UTP4: variants seen among roughly 807,000 people sequenced by gnomAD.
UTP4 encodes the protein UTP4 small subunit processome component, also known as U3 small nucleolar RNA-associated protein 4 homolog.
Under a neutral mutation model 82.4 loss-of-function variants are expected in UTP4, and 45 were observed. The observed-to-expected ratio is 0.55, with a 90% CI of 0.43 to 0.70. The LOEUF (loss-of-function observed/expected upper bound fraction) is 0.70, where lower values mean the gene tolerates loss of function less well. UTP4 is among the 30% of genes least tolerant of loss of function. UTP4 has a pLI of 0.00. For synonymous variants in UTP4, 348 were observed against 300.3 expected (o/e 1.16, Z -1.64); for missense variants, 819 against 858.3 (o/e 0.95, Z 0.57).
intron 4 of UTP4, among the ~76,000 whole-genome samples, chr16:69,139,429 A>T (rs938080566): frequency 6.6e-6 from 1 of 151,524 alleles, no homozygotes; most frequent in African/African-American, 2.4e-5. Flanking sequence ...ACTTGAGGTC[A>T]GGAGTTCGAA....
rs1282444878 is a variant in UTP4, at chr16:69,168,833, A to G, written c.1957A>G (p.Met653Val). The change falls in exon 17 of 17, where the codon ATG becomes GTG. Residue 653 changes from methionine (M) to valine (V), a missense_variant. By Grantham distance (21) the Met-to-Val change is conservative. Coordinates refer to ENST00000314423, the MANE Select transcript of UTP4 (RefSeq NM_032830.3). ...ISKIYKPLLF[M>V]DLLDERTLVA... ...CATCCCTCTGCAGCCTCTACTCTTC[A>G]TGGATCTTTTGGATGAAAGAACACT... 3 of 1,610,902 alleles carry G rather than the reference A, an allele frequency of 1.9e-6. No individual in the cohort carries two copies. Among genetic ancestry groups the G allele is most frequent in the South Asian group, 1.1e-5 (1 of 91,010 alleles).
intron 14 of UTP4, among the ~76,000 whole-genome samples, chr16:69,164,193 T>C (rs922772279): frequency 6.6e-6 from 1 of 151,896 alleles, no homozygotes; most frequent in African/African-American, 2.4e-5. Context: ...TGATGGTCAG[T>C]TTTTACACTC....
intron 14 of UTP4, among the ~76,000 whole-genome samples, chr16:69,164,496 C>G (rs1162375620): frequency 6.6e-6 from 1 of 151,010 alleles, no homozygotes; most frequent in Non-Finnish European, 1.5e-5. Context: ...GTAAATTATC[C>G]TAACCCTTTT....
intron 6 of UTP4, among the ~76,000 whole-genome samples, chr16:69,145,342 C>A (rs992277129): frequency 2.6e-5 from 4 of 151,838 alleles, no homozygotes; most frequent in African/African-American, 9.7e-5. Flanking sequence ...CTCACTACAA[C>A]CTCTGTCTCC....
At chr16:69,167,320 T>G in intron 16 of UTP4, 135 bp downstream of exon 16, 1 of 692,764 alleles carries the variant, frequency 1.4e-6, no homozygotes, top group South Asian at 1.6e-5. Context: ...ACAAGTCACC[T>G]TTTTGAGGCT....
chr16:69,135,580 G>A (rs1962789506), intron 2 of UTP4, among the ~76,000 whole-genome samples: 2 of 152,112 alleles, frequency 1.3e-5, no homozygotes, highest in Admixed American at 1.3e-4. Flanking sequence ...GATAGGTGTG[G>A]TGTTGTATGC....
chr16:69,132,728 C>CT (rs1445458403), intron 1 of UTP4, 39 bp downstream of exon 1: 2 of 254,308 alleles, frequency 7.9e-6, no homozygotes, highest in Admixed American at 1.2e-4. Context: ...GCTGCGAGAG[C>CT]TGGGGGGGTC....
At chr16:69,149,613 C>T (rs1248537769) in intron 6 of UTP4, among the ~76,000 whole-genome samples, 1 of 152,130 alleles carries the variant, frequency 6.6e-6, no homozygotes, top group Admixed American at 6.6e-5. Flanking sequence ...GACTGGTCTC[C>T]AACTTCTGGG....
At chr16:69,138,456 T>C (rs1962869322) in intron 4 of UTP4, among the ~76,000 whole-genome samples, 1 of 152,196 alleles carries the variant, frequency 6.6e-6, no homozygotes, top group South Asian at 2.1e-4. Context: ...CAGGCTGGTC[T>C]CGAACTCTTG....
intron 12 of UTP4, among the ~76,000 whole-genome samples, chr16:69,159,471 TA>T (rs1366384641): frequency 1.3e-5 from 2 of 152,084 alleles, no homozygotes; most frequent in African/African-American, 4.8e-5. Flanking sequence ...GGGCAGATCA[TA>T]AGGTCAAGAG....
chr16:69,164,597 T>C (rs1470797441), intron 14 of UTP4, among the ~76,000 whole-genome samples: 2 of 130,940 alleles, frequency 1.5e-5, no homozygotes, highest in Non-Finnish European at 3.4e-5. Flanking sequence ...TATATATATA[T>C]ATATATATAT....
At chr16:69,151,036 T>C in intron 8 of UTP4, 132 bp downstream of exon 8, 1 of 727,998 alleles carries the variant, frequency 1.4e-6, no homozygotes, top group Non-Finnish European at 2.4e-6. Flanking sequence ...AGACAGAGTT[T>C]GCTCTTGTTG....
intron 6 of UTP4, among the ~76,000 whole-genome samples, chr16:69,148,161 C>A (rs1963168556): frequency 6.6e-6 from 1 of 152,164 alleles, no homozygotes; most frequent in African/African-American, 2.4e-5. Flanking sequence ...TGGGTTTTCA[C>A]CGTGTTAGCC....
In UTP4 at chr16:69,137,017, G is replaced by C. The variant is rs1962831020; in HGVS notation, c.351+130G>C. 4 of 804,176 alleles carry C rather than the reference G, an allele frequency of 5.0e-6. No homozygotes were observed. In the South Asian group the frequency reaches 5.5e-5, roughly 11 times the overall value. 49.8% of individuals were successfully genotyped at this position (804,176 alleles called of 1,614,324 possible). ...CAACCCCAACTATAAGATTGGAATT[G>C]ATAGTGAAGATTTTAAAAATCCCCA... is the stretch of plus-strand genomic sequence containing the variant. On this transcript the variant is annotated intron_variant, in intron 3 of 16. Coordinates refer to ENST00000314423, the MANE Select transcript of UTP4 (RefSeq NM_032830.3).
intron 6 of UTP4, among the ~76,000 whole-genome samples, chr16:69,146,968 C>T (rs1963127931): frequency 6.9e-6 from 1 of 145,522 alleles, no homozygotes; most frequent in Admixed American, 7.0e-5. Flanking sequence ...CGCCACTGCA[C>T]TCCAGCCTGG....
chr16:69,136,500 G>T lies in UTP4; in HGVS notation c.160-196G>T, dbSNP rs956736917. Among the ~76,000 whole-genome samples, 6 of 152,268 alleles carry T rather than the reference G, an allele frequency of 3.9e-5. 1 individual carries two copies. The South Asian group carries it at 1.0e-3, about 26-fold the overall frequency. On this transcript the variant is annotated intron_variant, in intron 2 of 16. Transcript: ENST00000314423. ...TTTTGCCGAACTAGTCCTAGTAAAA[G>T]AAACAAATTTAACTGTATAAAAGTA...
chr16:69,137,836 A>G lies in UTP4; in HGVS notation c.387A>G (p.Gln129=), dbSNP rs766174741. The change falls in exon 4 of 17, where the codon CAA becomes CAG. Residue 129 remains glutamine (Q), a synonymous_variant. Transcript: ENST00000314423. ...GCEDGSVKLF[Q]ITPDKIQFER... ...AAGATGGATCTGTGAAACTATTTCA[A>G]ATTACCCCAGACAAAATCCAGTTTG... The G allele has an allele frequency of 6.2e-7, 1 of 1,613,250 alleles. No homozygotes were observed. The highest frequency in any genetic ancestry group is 8.5e-7 in the Non-Finnish European group (1 of 1,179,296).
Position 69,160,404 on chromosome 16 carries a change from G to A in UTP4, c.1493G>A (p.Trp498Ter). The A allele has an allele frequency of 6.2e-7, 1 of 1,614,096 alleles. No individual in the cohort carries two copies. The highest frequency in any genetic ancestry group is 8.5e-7 in the Non-Finnish European group (1 of 1,180,006). The change falls in exon 13 of 17, where the codon TGG becomes TAG. Residue 498 changes from tryptophan to a stop codon, truncating the protein, a stop_gained. Transcript: ENST00000314423. LOFTEE classifies it high-confidence loss of function. ...CLLAVSPDGN[W>*]LAASGTSAGV... ...TTGGCAGTCAGTCCAGATGGGAATT[G>A]GCTAGCTGCATCAGGTACCAGTGCT...
At chr16:69,139,961 C>G (rs1050452895) in intron 5 of UTP4, 47 bp downstream of exon 5, 1 of 1,374,430 alleles carries the variant, frequency 7.3e-7, no homozygotes, top group African/African-American at 1.4e-5. Flanking sequence ...TTGTCAGATT[C>G]ACATTTCTGA....
Sources: gnomAD v4.1 joint callset for allele counts (sites outside exome capture counted in the v4.1 genomes callset) on GRCh38, gnomAD v4.1.1 for gene constraint, MANE v1.5 for transcripts, NCBI Gene and HGNC (gene_info 2026-07-23, HGNC 2026-07-21) for gene names.